The following ZFPM2 variants were observed in gnomAD, a reference collection of about 807,000 sequenced individuals.
ZFPM2 encodes the protein zinc finger protein ZFPM2.
ZFPM2 carries 20 observed loss-of-function variants against 98.6 expected under a neutral mutation model. The ratio of observed to expected loss-of-function variants is 0.20; its 90% confidence interval spans 0.14 to 0.29. The LOEUF (loss-of-function observed/expected upper bound fraction) is 0.29. Among genes scored for constraint, ZFPM2 ranks in the 10% least tolerant of loss-of-function variants. The pLI, the probability that ZFPM2 is intolerant of heterozygous loss-of-function variation, is 1.00. For synonymous variants in ZFPM2, 518 were observed against 502.7 expected, an observed-to-expected ratio of 1.03 and a Z score of -0.41; for missense variants, 1,310 against 1,388.6, an observed-to-expected ratio of 0.94 and a Z score of 0.90.
chr8:105,755,455 A>C (rs1308150516), intron 5 of ZFPM2, among the ~76,000 whole-genome samples: 1 of 152,156 alleles, frequency 6.6e-6, no homozygotes, highest in Non-Finnish European at 1.5e-5. Flanking sequence ...TATAGAATGC[A>C]TTACAAAAGA....
chr8:105,582,588 GTGTT>G (rs765463773), intron 4 of ZFPM2, among the ~76,000 whole-genome samples: 1 of 152,118 alleles, frequency 6.6e-6, no homozygotes, highest in Admixed American at 6.5e-5. Flanking sequence ...TTTGGCAGCA[GTGTT>G]TGTTTGTTCG....
At chr8:105,726,583 G>T (rs1811812585) in intron 5 of ZFPM2, among the ~76,000 whole-genome samples, 1 of 151,760 alleles carries the variant, frequency 6.6e-6, no homozygotes, top group African/African-American at 2.4e-5. Flanking sequence ...CATCAACTTT[G>T]TGCAAGTACT....
At chr8:105,598,006 A>G (rs1460826245) in intron 4 of ZFPM2, among the ~76,000 whole-genome samples, 4 of 151,356 alleles carry the variant, frequency 2.6e-5, no homozygotes, top group Non-Finnish European at 5.9e-5. Context: ...GCTGCATAAA[A>G]CTTACTTTAG....
intron 3 of ZFPM2, among the ~76,000 whole-genome samples, chr8:105,491,230 T>G (rs1422124064): frequency 1.3e-5 from 2 of 152,158 alleles, no homozygotes; most frequent in Non-Finnish European, 2.9e-5. Context: ...CCCTCAGCCC[T>G]GTTTTCTTTC....
chr8:105,647,822 GC>G (rs1410262108), intron 5 of ZFPM2, among the ~76,000 whole-genome samples: 1 of 152,088 alleles, frequency 6.6e-6, no homozygotes, highest in Non-Finnish European at 1.5e-5. Flanking sequence ...GTTGTGAATA[GC>G]ACCACAATAA....
chr8:105,573,580 A>G (rs1224326103), intron 4 of ZFPM2, among the ~76,000 whole-genome samples: 3 of 152,238 alleles, frequency 2.0e-5, no homozygotes, highest in Non-Finnish European at 4.4e-5. Flanking sequence ...TTTTATTATT[A>G]TTCATTAAAA....
chr8:105,399,521 A>C (rs1286117254), intron 1 of ZFPM2, among the ~76,000 whole-genome samples: 2 of 152,158 alleles, frequency 1.3e-5, no homozygotes, highest in Admixed American at 1.3e-4. Flanking sequence ...TTTAGTTGCT[A>C]TTGTTCCAAC....
intron 3 of ZFPM2, among the ~76,000 whole-genome samples, chr8:105,481,272 A>G (rs13269699): frequency 0.087 from 13,182 of 152,092 alleles, 679 homozygotes; most frequent in East Asian, 0.15. Context: ...TTGAGCTTCT[A>G]TAACAAAATT....
intron 3 of ZFPM2, among the ~76,000 whole-genome samples, chr8:105,500,023 T>TA: frequency 6.6e-6 from 1 of 152,352 alleles, no homozygotes; most frequent in African/African-American, 2.4e-5. Flanking sequence ...GTGAAACAGT[T>TA]ACTTGTCTCC....
intron 2 of ZFPM2, among the ~76,000 whole-genome samples, chr8:105,428,437 G>A (rs1811956849): frequency 1.3e-5 from 2 of 152,174 alleles, no homozygotes; most frequent in South Asian, 2.1e-4. Context: ...TTGAAAGCAT[G>A]TTAGTCTCAT....
chr8:105,458,168 C>T (rs1353800167), intron 3 of ZFPM2, among the ~76,000 whole-genome samples: 5 of 152,108 alleles, frequency 3.3e-5, no homozygotes, highest in Non-Finnish European at 7.4e-5. Context: ...ACAAAATTCC[C>T]ATAGGCCGTA....
At chr8:105,585,017 G>T (rs1261779115) in intron 4 of ZFPM2, among the ~76,000 whole-genome samples, 1 of 152,130 alleles carries the variant, frequency 6.6e-6, no homozygotes, top group Non-Finnish European at 1.5e-5. Flanking sequence ...AATTATGGTG[G>T]AATAAATAAT....
intron 5 of ZFPM2, among the ~76,000 whole-genome samples, chr8:105,711,063 A>G (rs1218149077): frequency 6.6e-6 from 1 of 151,706 alleles, no homozygotes; most frequent in Admixed American, 6.6e-5. Context: ...AGGTTTTTTA[A>G]AAGTATTCCT....
intron 5 of ZFPM2, among the ~76,000 whole-genome samples, chr8:105,718,985 T>C (rs1363462829): frequency 6.6e-6 from 1 of 151,986 alleles, no homozygotes; most frequent in East Asian, 1.9e-4. Context: ...CAAAGTCTAC[T>C]GGCCCCAAAT....
chr8:105,622,481 T>C (rs1175071639), intron 4 of ZFPM2, among the ~76,000 whole-genome samples: 1 of 152,174 alleles, frequency 6.6e-6, no homozygotes, highest in Non-Finnish European at 1.5e-5. Context: ...ATCTTGCCTT[T>C]CATAAAGAGC....
chr8:105,538,484 C>T (rs998398745), intron 3 of ZFPM2, among the ~76,000 whole-genome samples: 77 of 152,056 alleles, frequency 5.1e-4, no homozygotes, highest in African/African-American at 1.7e-3. Flanking sequence ...TATCTCCTGT[C>T]GTTTAGGATA....
At chr8:105,792,285 C>T (rs1420599785) in intron 6 of ZFPM2, among the ~76,000 whole-genome samples, 2 of 152,124 alleles carry the variant, frequency 1.3e-5, no homozygotes, top group South Asian at 2.1e-4. Context: ...TTCAGGTATG[C>T]TGTGTCTTTG....
chr8:105,612,770 T>G (rs1382132674), intron 4 of ZFPM2, among the ~76,000 whole-genome samples: 1 of 152,220 alleles, frequency 6.6e-6, no homozygotes, highest in Non-Finnish European at 1.5e-5. Context: ...ACTACATATT[T>G]TAATTGTCTG....
intron 5 of ZFPM2, among the ~76,000 whole-genome samples, chr8:105,639,058 A>G (rs1156632355): frequency 2.0e-5 from 3 of 152,030 alleles, no homozygotes; most frequent in Non-Finnish European, 2.9e-5. Flanking sequence ...ACTTATCTCT[A>G]TGGATAAATA....
Sources: gnomAD v4.1 joint callset for allele counts (sites outside exome capture counted in the v4.1 genomes callset) on GRCh38, gnomAD v4.1.1 for gene constraint, MANE v1.5 for transcripts, NCBI Gene and HGNC (gene_info 2026-07-23, HGNC 2026-07-21) for gene names.